Variants in HIVEP3 observed in about 807,000 individuals in gnomAD.
HIVEP3 encodes the protein transcription factor HIVEP3.
A neutral mutation model predicts 152.8 loss-of-function variants in HIVEP3; 49 were observed. That is an observed-to-expected ratio of 0.32 (90% CI 0.26 to 0.41). The LOEUF (loss-of-function observed/expected upper bound fraction) is 0.41, where lower values mean the gene tolerates loss of function less well. HIVEP3 is among the 10% of genes least tolerant of loss of function. The pLI is 1.00. For missense variants in HIVEP3, 2,790 were observed against 3,103.3 expected (o/e 0.90, Z 2.40); for synonymous variants, 1,269 against 1,289.0 (o/e 0.98, Z 0.33).
chr1:41,701,119 C>A, intron 1 of HIVEP3, 124 bp from the exon 2 acceptor site: 1 of 204,022 alleles, frequency 4.9e-6, no homozygotes, highest in Non-Finnish European at 8.7e-6. Flanking sequence ...CCGGCCACTA[C>A]CCCTTCTCTA....
At chr1:41,531,888 G>A (rs796089075) in intron 5 of HIVEP3, among the ~76,000 whole-genome samples, 1,197 of 65,470 alleles carry the variant, frequency 0.018, no homozygotes, top group East Asian at 0.058. Flanking sequence ...GGAGGACAGG[G>A]GAGATGGAGG....
intron 1 of HIVEP3, among the ~76,000 whole-genome samples, chr1:41,746,809 T>C (rs191745402): frequency 1.2e-3 from 186 of 152,274 alleles, no homozygotes; most frequent in African/African-American, 4.2e-3. Flanking sequence ...TGGAAGTTCT[T>C]GGGAATTAAT....
chr1:41,831,634 G>GCACTGTGAAATAAC (rs1358753839), intron 1 of HIVEP3, among the ~76,000 whole-genome samples: 18 of 152,324 alleles, frequency 1.2e-4, no homozygotes, highest in Admixed American at 7.8e-4. Context: ...AAGCTTTAGA[G>GCACTGTGAAATAAC]CACTGTGAAA....
intron 6 of HIVEP3, among the ~76,000 whole-genome samples, chr1:41,523,189 C>T (rs987240942): frequency 3.9e-5 from 6 of 152,304 alleles, no homozygotes; most frequent in African/African-American, 1.4e-4. Context: ...TGCAGAAGGC[C>T]AGAGGAAGTG....
chr1:41,525,875 C>A (rs1165365991), intron 5 of HIVEP3, among the ~76,000 whole-genome samples: 1 of 152,082 alleles, frequency 6.6e-6, no homozygotes, highest in Admixed American at 6.5e-5. Context: ...GGAGAGGGGA[C>A]CCTGGCATAA....
intron 1 of HIVEP3, among the ~76,000 whole-genome samples, chr1:41,860,346 A>G (rs655198): frequency 0.63 from 95,299 of 152,044 alleles, 31,406 homozygotes; most frequent in African/African-American, 0.82. Context: ...CAAGGTCAGC[A>G]TAGCACAAAG....
At chr1:41,802,643 T>C (rs1362501259) in intron 1 of HIVEP3, among the ~76,000 whole-genome samples, 1 of 152,174 alleles carries the variant, frequency 6.6e-6, no homozygotes, top group Non-Finnish European at 1.5e-5. Flanking sequence ...CAAATGATTC[T>C]AGTCGACTTA....
chr1:41,976,315 T>A (rs1203081542), intron 1 of HIVEP3, among the ~76,000 whole-genome samples: 1 of 151,926 alleles, frequency 6.6e-6, no homozygotes, highest in Non-Finnish European at 1.5e-5. Context: ...ACTTTCAGGC[T>A]CAGAGGGGAT....
rs142425379 is a variant in HIVEP3 at position 41,533,347 on chromosome 1, T to C, written c.5208-8437A>G. On this transcript the variant is annotated intron_variant, in intron 5 of 8. Transcript: ENST00000372583. The surrounding 1 kb of genome is among the most constrained non-coding windows in gnomAD (Gnocchi z 4.3). ...CTCCCACAGCTTCCCAGCAGTGTCA[T>C]TGCCTCCCTCTCCTAGCCCCTTCCA... Among the ~76,000 whole-genome samples the C allele has an allele frequency of 0.016, 2,462 of 152,106 alleles. 77 individuals are homozygous for C. The highest frequency in any genetic ancestry group is 0.053 in the African/African-American group (2,203 of 41,500).
At chr1:41,512,729 C>G in intron 8 of HIVEP3, 87 bp downstream of exon 8, 1 of 1,087,216 alleles carries the variant, frequency 9.2e-7, no homozygotes, top group Non-Finnish European at 1.3e-6. Context: ...CTGTTTAGTT[C>G]CAGGTGTGAT....
intron 1 of HIVEP3, among the ~76,000 whole-genome samples, chr1:41,965,478 C>A (rs1395946079): frequency 1.3e-5 from 2 of 152,150 alleles, no homozygotes; most frequent in African/African-American, 4.8e-5. Flanking sequence ...AGCTAAGAAG[C>A]ATGATAAAAC....
chr1:41,699,983 C>T (rs957030487), intron 2 of HIVEP3, among the ~76,000 whole-genome samples: 1 of 152,128 alleles, frequency 6.6e-6, no homozygotes, highest in African/African-American at 2.4e-5. Flanking sequence ...CTCCACTGCT[C>T]CACTTGCTGT....
intron 1 of HIVEP3, among the ~76,000 whole-genome samples, chr1:41,833,305 T>C (rs1381109397): frequency 1.3e-5 from 2 of 151,984 alleles, no homozygotes; most frequent in Admixed American, 1.3e-4. Context: ...CCAGCATTGG[T>C]AGGAAACTTA....
chr1:41,525,118 G>C (rs536702839), intron 5 of HIVEP3, among the ~76,000 whole-genome samples: 2 of 152,080 alleles, frequency 1.3e-5, no homozygotes, highest in Non-Finnish European at 2.9e-5. Context: ...CCCCTCAGAC[G>C]GGGGGTTGCA....
chr1:41,771,762 A>T (rs936993005), intron 1 of HIVEP3, among the ~76,000 whole-genome samples: 1 of 152,068 alleles, frequency 6.6e-6, no homozygotes, highest in Non-Finnish European at 1.5e-5. Flanking sequence ...TCTGCCTCCC[A>T]GGTTCAAGCG....
At chr1:41,917,385 G>A (rs1644887412) in intron 1 of HIVEP3, among the ~76,000 whole-genome samples, 1 of 152,130 alleles carries the variant, frequency 6.6e-6, no homozygotes, top group Non-Finnish European at 1.5e-5. Context: ...GGCTGCTGTG[G>A]TTACAATGCC....
intron 1 of HIVEP3, among the ~76,000 whole-genome samples, chr1:41,722,195 A>G (rs1490873225): frequency 1.3e-5 from 2 of 152,084 alleles, no homozygotes; most frequent in African/African-American, 4.8e-5. Flanking sequence ...GACCACAATC[A>G]GCTTTGTCTC....
chr1:41,757,095 ATTAT>A (rs1647349403), intron 1 of HIVEP3, among the ~76,000 whole-genome samples: 1 of 44,050 alleles, frequency 2.3e-5, no homozygotes, highest in Admixed American at 2.3e-4. Flanking sequence ...CTAAAAAATT[ATTAT>A]TATTATTATT....
intron 3 of HIVEP3, among the ~76,000 whole-genome samples, chr1:41,592,737 C>T (rs1178668342): frequency 6.6e-6 from 1 of 152,214 alleles, no homozygotes; most frequent in Non-Finnish European, 1.5e-5. Context: ...TTGGTGGAAG[C>T]CCTGCCTTTT....
Sources: allele counts gnomAD v4.1 joint callset (sites outside exome capture counted in the v4.1 genomes callset), GRCh38; gene constraint gnomAD v4.1.1; non-coding constraint Gnocchi (gnomAD v3.1); transcripts MANE v1.5; gene names NCBI Gene and HGNC (gene_info 2026-07-23, HGNC 2026-07-21).